The following PACRG variants were observed in gnomAD, a reference collection of about 807,000 sequenced individuals.
The protein encoded by PACRG is parkin coregulated, also known as parkin coregulated gene protein.
PACRG carries 29 observed loss-of-function variants against 29.7 expected under a neutral mutation model. The observed-to-expected ratio is 0.98, with a 90% CI of 0.73 to 1.33. PACRG has a LOEUF of 1.33. Ranked by LOEUF, PACRG falls within the 40% of genes most tolerant of loss-of-function variation. The pLI, the probability that PACRG is intolerant of heterozygous loss-of-function variation, is 0.00. For synonymous variants in PACRG, 116 were observed against 118.7 expected, an observed-to-expected ratio of 0.98 and a Z score of 0.15; for missense variants, 279 against 316.2, an observed-to-expected ratio of 0.88 and a Z score of 0.89.
At chr6:162,832,581 C>A (rs529072984) in intron 2 of PACRG, among the ~76,000 whole-genome samples, 25 of 152,026 alleles carry the variant, frequency 1.6e-4, no homozygotes, top group Non-Finnish European at 2.8e-4. Flanking sequence ...TGTACCACAT[C>A]TATTATATTC....
At chr6:163,107,942 T>C (rs149298189) in intron 4 of PACRG, among the ~76,000 whole-genome samples, 5 of 152,250 alleles carry the variant, frequency 3.3e-5, no homozygotes, top group African/African-American at 9.6e-5. Context: ...AGTTATTTTA[T>C]AGCCTAGATA....
At chr6:163,188,427 C>T (rs954060575) in intron 4 of PACRG, among the ~76,000 whole-genome samples, 1 of 152,182 alleles carries the variant, frequency 6.6e-6, no homozygotes, top group African/African-American at 2.4e-5. Flanking sequence ...GAAAATCTAA[C>T]GTCATCTCTT....
At chr6:162,959,295 T>G (rs1800411051) in intron 2 of PACRG, among the ~76,000 whole-genome samples, 1 of 150,784 alleles carries the variant, frequency 6.6e-6, no homozygotes, top group African/African-American at 2.4e-5. Context: ...GGATAAGGAG[T>G]AGGGCCGGGG....
In PACRG at chr6:163,292,572, T is replaced by C. The variant is rs533052052; in HGVS notation, c.614-22255T>C. Among the ~76,000 whole-genome samples, 4 of 144,954 alleles carry C rather than the reference T, an allele frequency of 2.8e-5. No individual in the cohort carries two copies. The South Asian group carries it at 8.9e-4, about 32-fold the overall frequency. On this transcript the variant is annotated intron_variant, in intron 4 of 4. Transcript: ENST00000366888. ...TCTGCCACCACGCCCAGCTAATTTATGTATTATTTATTTATTTATTTATTT... is the reference window on the plus strand; with the variant it reads ...TCTGCCACCACGCCCAGCTAATTTACGTATTATTTATTTATTTATTTATTT...
At chr6:162,895,262 C>CCT (rs1476200306) in intron 2 of PACRG, among the ~76,000 whole-genome samples, 22 of 131,174 alleles carry the variant, frequency 1.7e-4, no homozygotes, top group Non-Finnish European at 2.7e-4. Context: ...AGAGTGAGAC[C>CCT]CTCTCTCTCA....
At chr6:162,892,665 G>A (rs567398691) in intron 2 of PACRG, among the ~76,000 whole-genome samples, 5 of 152,170 alleles carry the variant, frequency 3.3e-5, no homozygotes, top group South Asian at 4.2e-4. Flanking sequence ...TGAGAGCTCC[G>A]CCCCCTGACC....
chr6:162,982,347 G>T (rs1258818167), intron 2 of PACRG, among the ~76,000 whole-genome samples: 1 of 151,782 alleles, frequency 6.6e-6, no homozygotes, highest in Non-Finnish European at 1.5e-5. Context: ...CTGGGTTTGG[G>T]TTTGGTTTTT....
rs143771241 is a variant in PACRG, at chr6:162,906,039, A to G, written c.291+91758A>G. ...AATTTGTTAAGATTTTGATACAGAA[A>G]AAAAGGGGGGGAAAGCTGAGGAAAA... On this transcript the variant is annotated intron_variant, in intron 2 of 4. Transcript: ENST00000366888. 5.3e-4 allele frequency among the ~76,000 whole-genome samples: 80 copies of G among 152,270 alleles called. 1 individual carries two copies. The highest frequency in any genetic ancestry group is 3.4e-3 in the Middle Eastern group (1 of 294).
intron 1 of PACRG, among the ~76,000 whole-genome samples, chr6:162,739,389 C>G (rs1220040391): frequency 2.6e-5 from 4 of 152,052 alleles, no homozygotes; most frequent in African/African-American, 9.7e-5. Context: ...TTAACATACT[C>G]TAGATATGGA....
chr6:163,262,149 C>G (rs1363650187), intron 4 of PACRG, among the ~76,000 whole-genome samples: 1 of 152,146 alleles, frequency 6.6e-6, no homozygotes, highest in Non-Finnish European at 1.5e-5. Flanking sequence ...CGGCCCTGGC[C>G]CAAGACTTTG....
intron 3 of PACRG, among the ~76,000 whole-genome samples, chr6:163,065,553 C>A (rs1185316699): frequency 1.3e-5 from 2 of 152,154 alleles, no homozygotes; most frequent in Non-Finnish European, 2.9e-5. Context: ...AGTAGCAACA[C>A]TGCAGCCACA....
chr6:163,045,989 AC>A (rs1809325283), intron 2 of PACRG, among the ~76,000 whole-genome samples: 1 of 151,964 alleles, frequency 6.6e-6, no homozygotes, highest in Non-Finnish European at 1.5e-5. Context: ...TTCAGACTAT[AC>A]TTACCAAATT....
chr6:163,069,891 TAAAG>T (rs1811887880), intron 3 of PACRG, among the ~76,000 whole-genome samples: 1 of 152,010 alleles, frequency 6.6e-6, no homozygotes, highest in Non-Finnish European at 1.5e-5. Flanking sequence ...AGGTTAAGGA[TAAAG>T]AAAGAATCCT....
intron 3 of PACRG, among the ~76,000 whole-genome samples, chr6:163,072,318 C>A (rs1345534428): frequency 6.6e-6 from 1 of 152,062 alleles, no homozygotes; most frequent in Non-Finnish European, 1.5e-5. Flanking sequence ...TGTTATACAG[C>A]ATGTCAACAT....
intron 2 of PACRG, among the ~76,000 whole-genome samples, chr6:162,908,466 C>G (rs1796082996): frequency 6.6e-6 from 1 of 152,170 alleles, no homozygotes; most frequent in South Asian, 2.1e-4. Context: ...ATTCCAGAGG[C>G]TATAATCCAT....
chr6:163,222,847 A>G (rs1053166651), intron 4 of PACRG, among the ~76,000 whole-genome samples: 2 of 152,234 alleles, frequency 1.3e-5, no homozygotes, highest in African/African-American at 2.4e-5. Context: ...ATCCCAAGTA[A>G]TTAAGAGAAT....
At chr6:163,112,040 A>G (rs1045829092) in intron 4 of PACRG, 16 of 945,464 alleles carry the variant, frequency 1.7e-5, no homozygotes, top group African/African-American at 2.3e-5. Context: ...CACTGTACCA[A>G]ATTATTAAAT....
rs1405501527 is a variant in PACRG at position 162,945,404 on chromosome 6, AT to A, written c.292-116745del. On this transcript the variant is annotated intron_variant, in intron 2 of 4. Coordinates refer to ENST00000366888, the MANE Select transcript of PACRG (RefSeq NM_001080379.2). ...AGCTTTAAATAAAAAACAGCAAAAA[AT>A]GAAGGTTATTATATAATAATAAAGG... 3.3e-5 allele frequency among the ~76,000 whole-genome samples: 5 copies of A among 152,098 alleles called. No homozygotes were observed. In the East Asian group the frequency reaches 9.6e-4, roughly 29 times the overall value.
At chr6:163,118,725 T>G (rs1816130470) in intron 4 of PACRG, among the ~76,000 whole-genome samples, 1 of 152,222 alleles carries the variant, frequency 6.6e-6, no homozygotes, top group Non-Finnish European at 1.5e-5. Context: ...TGGTTTGACT[T>G]AATAAGGTAA....
Sources: allele counts gnomAD v4.1 joint callset (sites outside exome capture counted in the v4.1 genomes callset), GRCh38; gene constraint gnomAD v4.1.1; transcripts MANE v1.5; gene names NCBI Gene and HGNC (gene_info 2026-07-23, HGNC 2026-07-21).